CD9: variants seen among roughly 807,000 people sequenced by gnomAD.
The protein encoded by CD9 is CD9 antigen.
Under a neutral mutation model 31.4 loss-of-function variants are expected in CD9, and 10 were observed. That is an observed-to-expected ratio of 0.32 (90% CI 0.20 to 0.54). The LOEUF is 0.54. Among genes scored for constraint, CD9 ranks in the 20% least tolerant of loss-of-function variants. CD9 has a pLI of 0.94. For missense variants in CD9, 259 were observed against 300.1 expected, an observed-to-expected ratio of 0.86 and a Z score of 1.01; for synonymous variants, 113 against 114.1, an observed-to-expected ratio of 0.99 and a Z score of 0.06.
rs144719138 is a variant in CD9 at position 6,229,546 on chromosome 12, C to T, written c.176-3086C>T. Among the ~76,000 whole-genome samples the T allele has an allele frequency of 9.9e-4, 151 of 152,266 alleles. 3 individuals are homozygous for T. The East Asian group carries it at 0.027, about 27-fold the overall frequency. On this transcript the variant is annotated intron_variant, in intron 2 of 7. Coordinates refer to ENST00000009180, the MANE Select transcript of CD9 (RefSeq NM_001769.4). ...GGGCGGGAACCAAGACGAAACCAGT[C>T]GGGGCAGAGGTAGGGCTCCTTTGAA... is the stretch of plus-strand genomic sequence containing the variant.
At chr12:6,200,155 G>A (rs986114677), upstream of CD9, 3 of 153,312 alleles carry the variant, frequency 2.0e-5, no homozygotes, top group African/African-American at 7.3e-5. Context: ...TGGCGGGTGG[G>A]GGTTAGGGCG....
chr12:6,232,264 G>C lies in CD9; in HGVS notation c.176-368G>C, dbSNP rs1318666974. 1 of 344,038 alleles carries C rather than the reference G, an allele frequency of 2.9e-6. No homozygotes were observed. The highest frequency in any genetic ancestry group is 7.9e-5 in the East Asian group (1 of 12,710). 21.3% of individuals were successfully genotyped at this position (344,038 alleles called of 1,614,324 possible). On this transcript the variant is annotated intron_variant, in intron 2 of 7. Transcript: ENST00000009180. This position sits in a 1 kb window ranked among gnomAD's most constrained non-coding sequence, Gnocchi z 4.8. ...GTGGAAGGTATATGCTAACTAGCTTGAGTGGATTCATCTTGCTGGAAAGAG... is the reference window on the plus strand; with the variant it reads ...GTGGAAGGTATATGCTAACTAGCTTCAGTGGATTCATCTTGCTGGAAAGAG...
At chr12:6,235,814 C>T in intron 6 of CD9, 2 of 1,383,952 alleles carry the variant, frequency 1.4e-6, no homozygotes, top group Non-Finnish European at 1.9e-6. Flanking sequence ...CGGAAGCTCT[C>T]AAGGGCAGGC....
intron 2 of CD9, among the ~76,000 whole-genome samples, chr12:6,229,649 CA>C (rs2136631887): frequency 6.6e-6 from 1 of 152,282 alleles, no homozygotes; most frequent in South Asian, 2.1e-4. Context: ...CTCCTTCACA[CA>C]AACGGGCGTG....
Position 6,200,476 on chromosome 12 carries a change from GC to G in CD9, c.-21del. 6.3e-7 allele frequency: 1 copy of G among 1,586,980 alleles called. No homozygotes were observed. Among genetic ancestry groups the G allele is most frequent in the Non-Finnish European group, 8.6e-7 (1 of 1,156,258 alleles). Reference sequence around the variant, plus strand: ...CGCCCCCCAGTCCCGCACCCGTTCGGCCCAGGCTAAGTTAGCCCTCACCATG... The same window carrying G: ...CGCCCCCCAGTCCCGCACCCGTTCGGCCAGGCTAAGTTAGCCCTCACCATG... On this transcript the variant is annotated 5_prime_UTR_variant, in exon 1 of 8. Coordinates refer to ENST00000009180, the MANE Select transcript of CD9 (RefSeq NM_001769.4).
chr12:6,224,057 G>A (rs575655909), intron 1 of CD9, among the ~76,000 whole-genome samples: 7 of 152,256 alleles, frequency 4.6e-5, no homozygotes, highest in South Asian at 2.1e-4. Context: ...CCTAAGGTGC[G>A]GCTGAGAGGC....
intron 1 of CD9, among the ~76,000 whole-genome samples, chr12:6,212,812 C>G (rs971602189): frequency 5.9e-5 from 9 of 152,170 alleles, no homozygotes; most frequent in Admixed American, 2.0e-4. Context: ...CCCAGGGACC[C>G]AGCTTGTCAT....
At chr12:6,213,418 A>T (rs141437832) in intron 1 of CD9, among the ~76,000 whole-genome samples, 18 of 152,372 alleles carry the variant, frequency 1.2e-4, no homozygotes, top group Admixed American at 4.6e-4. Flanking sequence ...CGGATAAAGA[A>T]GGGAATCAGT....
intron 4 of CD9, among the ~76,000 whole-genome samples, 160 bp downstream of exon 4, chr12:6,233,646 G>A (rs958109016): frequency 3.9e-5 from 6 of 152,114 alleles, no homozygotes; most frequent in Non-Finnish European, 8.8e-5. Context: ...TGCCCTCCTC[G>A]GGGCAGGGAA....
chr12:6,230,679 T>C (rs1946432337), intron 2 of CD9, among the ~76,000 whole-genome samples: 1 of 152,226 alleles, frequency 6.6e-6, no homozygotes, highest in Non-Finnish European at 1.5e-5. Context: ...GGCTGCCCTC[T>C]TACCCAGTGC....
Position 6,232,638 on chromosome 12 carries a change from A to G in CD9, c.182A>G (p.Tyr61Cys), listed in dbSNP as rs747327386. Residue 61 changes from tyrosine to cysteine, a missense_variant, in exon 3 of 8, where the codon TAT becomes TGT. Coordinates refer to ENST00000009180, the MANE Select transcript of CD9 (RefSeq NM_001769.4). The surrounding 1 kb of genome is among the most constrained non-coding windows in gnomAD (Gnocchi z 4.8). ...TTCCTCTGTCCTCCCGCAGGAGTCTATATTCTGATCGGAGCCGGCGCCCTC... is the reference window on the plus strand; with the variant it reads ...TTCCTCTGTCCTCCCGCAGGAGTCTGTATTCTGATCGGAGCCGGCGCCCTC... The part of the protein sequence containing the change: ...NNNSSFYTGV[Y>C]ILIGAGALMM... 5 of 1,570,326 alleles carry G rather than the reference A, an allele frequency of 3.2e-6. No individual in the cohort carries two copies. Among genetic ancestry groups the G allele is most frequent in the Middle Eastern group, 1.7e-4 (1 of 5,754 alleles).
chr12:6,219,166 C>T lies in CD9; in HGVS notation c.67-6260C>T, dbSNP rs11064091. ...GACTACAGGCACACACCACCACGCC[C>T]GGCTAATTTTTGTAGTTTTAGTAGA... On this transcript the variant is annotated intron_variant, in intron 1 of 7. Coordinates refer to ENST00000009180, the MANE Select transcript of CD9 (RefSeq NM_001769.4). Among the ~76,000 whole-genome samples, 1,059 of 152,038 alleles carry T rather than the reference C, an allele frequency of 7.0e-3. 14 individuals are homozygous for T. Among genetic ancestry groups the T allele is most frequent in the African/African-American group, 0.024 (981 of 41,460 alleles).
Position 6,219,508 on chromosome 12 carries a change from T to C in CD9, c.67-5918T>C, listed in dbSNP as rs546988614. Among the ~76,000 whole-genome samples, 106 of 151,982 alleles carry C rather than the reference T, an allele frequency of 7.0e-4. 1 individual carries two copies. Among genetic ancestry groups the C allele is most frequent in the African/African-American group, 2.4e-3 (99 of 41,452 alleles). On this transcript the variant is annotated intron_variant, in intron 1 of 7. Coordinates refer to ENST00000009180, the MANE Select transcript of CD9 (RefSeq NM_001769.4). ...GGTTTCTTTTTTTTTTCTTTTGAGATGGAGTCTTGCTCTGTCGCCCAGGCT... is the reference window on the plus strand; with the variant it reads ...GGTTTCTTTTTTTTTTCTTTTGAGACGGAGTCTTGCTCTGTCGCCCAGGCT...
chr12:6,208,224 C>CAAAAA (rs574714065), intron 1 of CD9, among the ~76,000 whole-genome samples: 1 of 96,468 alleles, frequency 1.0e-5, no homozygotes, highest in Non-Finnish European at 2.2e-5. Context: ...AACTCCATCT[C>CAAAAA]AAAAAAAAAA....
At chr12:6,235,748 C>A in intron 6 of CD9, 183 bp downstream of exon 6, 1 of 1,412,724 alleles carries the variant, frequency 7.1e-7, no homozygotes, top group Non-Finnish European at 9.2e-7. Flanking sequence ...GGCAATAAAA[C>A]AAAGGCCGGA....
intron 2 of CD9, chr12:6,226,478 T>A (rs1046533153): frequency 6.6e-6 from 1 of 152,204 alleles, no homozygotes; most frequent in African/African-American, 2.4e-5. Flanking sequence ...ACCAAAAAAG[T>A]TATTTTTACA....
intron 1 of CD9, among the ~76,000 whole-genome samples, chr12:6,206,381 C>T (rs1946132795): frequency 6.6e-6 from 1 of 152,108 alleles, no homozygotes; most frequent in Non-Finnish European, 1.5e-5. Flanking sequence ...TGCCACTACA[C>T]CCAGCTAACC....
intron 4 of CD9, among the ~76,000 whole-genome samples, chr12:6,234,830 G>T (rs1946494510): frequency 6.6e-6 from 1 of 152,244 alleles, no homozygotes; most frequent in African/African-American, 2.4e-5. Flanking sequence ...TTAGTAATTT[G>T]CCAAAACTCA....
At chr12:6,201,840 C>T (rs1202177603) in intron 1 of CD9, among the ~76,000 whole-genome samples, 1 of 152,102 alleles carries the variant, frequency 6.6e-6, no homozygotes, top group Non-Finnish European at 1.5e-5. Flanking sequence ...GGTTCAAGAC[C>T]AGCCTGGGTA....
Sources: gnomAD v4.1 joint callset for allele counts (sites outside exome capture counted in the v4.1 genomes callset) on GRCh38, gnomAD v4.1.1 for gene constraint, Gnocchi (gnomAD v3.1) non-coding constraint, MANE v1.5 for transcripts, NCBI Gene and HGNC (gene_info 2026-07-23, HGNC 2026-07-21) for gene names.